The following PNLIPRP1 variants were observed in gnomAD, a reference collection of about 807,000 sequenced individuals.
PNLIPRP1 encodes inactive pancreatic lipase-related protein 1.
Under a neutral mutation model 54.6 loss-of-function variants are expected in PNLIPRP1, and 57 were observed. The observed-to-expected ratio is 1.04, with a 90% CI of 0.84 to 1.30. The LOEUF (loss-of-function observed/expected upper bound fraction) is 1.30. Among genes scored for constraint, PNLIPRP1 ranks in the 50% most tolerant of loss-of-function variants. The pLI, the probability that PNLIPRP1 is intolerant of heterozygous loss-of-function variation, is 0.00. For missense variants in PNLIPRP1, 567 were observed against 568.5 expected (o/e 1.00, Z 0.03); for synonymous variants, 232 against 208.8 (o/e 1.11, Z -0.96).
At chr10:116,602,752 AGT>A (rs1267832635) in intron 10 of PNLIPRP1, among the ~76,000 whole-genome samples, 5 of 132,994 alleles carry the variant, frequency 3.8e-5, no homozygotes, top group Admixed American at 7.3e-5. Context: ...TGCATGTGTG[AGT>A]GTGTTTGTGT....
In PNLIPRP1 at chr10:116,593,167, C is replaced by CA. The variant is rs57951858; in HGVS notation, c.330+642dup. The CA allele has an allele frequency of 4.2e-3, 329 of 78,832 alleles. 2 individuals are homozygous for CA. Among genetic ancestry groups the CA allele is most frequent in the Middle Eastern group, 0.027 (3 of 112 alleles). 4.9% of individuals were successfully genotyped at this position (78,832 alleles called of 1,614,324 possible). ...TGGGCAACAGAGTGAGACTCCATCTCAAAAAAAAAAAAAAAAGAAAACTAA... is the reference window on the plus strand; with the variant it reads ...TGGGCAACAGAGTGAGACTCCATCTCAAAAAAAAAAAAAAAAAGAAAACTAA... On this transcript the variant is annotated intron_variant, in intron 4 of 12. Coordinates refer to ENST00000358834, the MANE Select transcript of PNLIPRP1 (RefSeq NM_006229.4).
chr10:116,591,679 T>C, intron 2 of PNLIPRP1, 92 bp from the exon 3 acceptor site: 1 of 1,331,578 alleles, frequency 7.5e-7, no homozygotes, highest in Non-Finnish European at 1.1e-6. Context: ...AGACTGTCCC[T>C]GAATAGAAGA....
intron 11 of PNLIPRP1, 137 bp from the exon 12 acceptor site, chr10:116,605,249 A>G (rs1434577208): frequency 1.9e-6 from 1 of 532,592 alleles, no homozygotes; most frequent in Non-Finnish European, 3.3e-6. Context: ...TGGCTTTTCC[A>G]TTTCTCCATC....
intron 12 of PNLIPRP1, among the ~76,000 whole-genome samples, chr10:116,605,889 G>A (rs1245054519): frequency 6.6e-6 from 1 of 152,204 alleles, no homozygotes; most frequent in Non-Finnish European, 1.5e-5. Context: ...ACTTGAAAGA[G>A]GAGAAGACCA....
In PNLIPRP1 at chr10:116,594,884, T is replaced by C; in HGVS notation, c.465+20T>C. ...CTCTTGGTGAGTCAGCTGGCTGGCCTATGTGAGGAGGGAAGCAGTGCCTGC... is the reference window on the plus strand; with the variant it reads ...CTCTTGGTGAGTCAGCTGGCTGGCCCATGTGAGGAGGGAAGCAGTGCCTGC... On this transcript the variant is annotated intron_variant, in intron 5 of 12. Transcript: ENST00000358834. 6.2e-7 allele frequency: 1 copy of C among 1,613,148 alleles called. No individual in the cohort carries two copies.
In PNLIPRP1 at chr10:116,596,261, C is replaced by G; in HGVS notation, c.513C>G (p.Ser171Arg). 6.2e-7 allele frequency: 1 copy of G among 1,614,018 alleles called. No individual in the cohort carries two copies. The highest frequency in any genetic ancestry group is 8.5e-7 in the Non-Finnish European group (1 of 1,179,878). The change falls in exon 6 of 13, where the codon AGC becomes AGG. Residue 171 changes from serine to arginine, a missense_variant. Transcript: ENST00000358834. ...CCAAAGTTCACCTCATTGGCCACAGCCTGGGAGCCCACGTGGCTGGAGAGG... is the reference window on the plus strand; with the variant it reads ...CCAAAGTTCACCTCATTGGCCACAGGCTGGGAGCCCACGTGGCTGGAGAGG... ...PPSKVHLIGH[S>R]LGAHVAGEAG...
Position 116,605,418 on chromosome 10 carries a change from A to C in PNLIPRP1, c.1205A>C (p.Tyr402Ser). The C allele has an allele frequency of 6.2e-7, 1 of 1,610,136 alleles. No homozygotes were observed. The highest frequency in any genetic ancestry group is 8.5e-7 in the Non-Finnish European group (1 of 1,176,942). Residue 402 changes from tyrosine (Y) to serine (S), a missense_variant, in exon 12 of 13, where the codon TAT (tyrosine) becomes TCT (serine). Tyr to Ser is a moderately radical substitution (Grantham distance 144). Transcript: ENST00000358834. Reference protein sequence around the residue: ...GILKPGSTHSYEFDAKLDVGT... With the variant: ...GILKPGSTHSSEFDAKLDVGT... ...CTCAAACCAGGCTCAACCCATTCCT[A>C]TGAGTTTGATGCAAAGCTGGATGTT...
chr10:116,591,055 C>A, intron 1 of PNLIPRP1, 60 bp downstream of exon 1: 2 of 1,174,154 alleles, frequency 1.7e-6, no homozygotes, highest in Non-Finnish European at 2.5e-6. Flanking sequence ...GTAAACAGTA[C>A]TGAAGTCCAG....
At chr10:116,600,399 A>G (rs2133236067) in intron 9 of PNLIPRP1, 1 of 437,082 alleles carries the variant, frequency 2.3e-6, no homozygotes, top group Non-Finnish European at 4.1e-6. Context: ...AGAGAGAAAG[A>G]GCAGTCAATT....
intron 9 of PNLIPRP1, 26 bp from the exon 10 acceptor site, chr10:116,601,046 C>G: frequency 6.3e-7 from 1 of 1,591,470 alleles, no homozygotes; most frequent in Non-Finnish European, 8.5e-7. Flanking sequence ...ATTCTCCTTA[C>G]AGTCCCATCT....
intron 5 of PNLIPRP1, chr10:116,595,129 C>T (rs1847712756): frequency 6.9e-6 from 3 of 435,488 alleles, no homozygotes; most frequent in Admixed American, 7.0e-5. Flanking sequence ...AACTAGTTTG[C>T]TCCCAAAGTC....
chr10:116,603,108 C>T (rs1312897627), intron 10 of PNLIPRP1, among the ~76,000 whole-genome samples: 4 of 152,152 alleles, frequency 2.6e-5, no homozygotes, highest in East Asian at 1.9e-4. Context: ...TATTTGTGTG[C>T]GTGTGCATGC....
intron 10 of PNLIPRP1, among the ~76,000 whole-genome samples, chr10:116,602,941 ATGTG>A (rs1291556434): frequency 2.0e-5 from 3 of 151,668 alleles, no homozygotes; most frequent in African/African-American, 7.3e-5. Flanking sequence ...GTGTAGATGT[ATGTG>A]TGTGTGCACA....
chr10:116,595,247 GAGAGAGCCAC>G (rs1847715021), intron 5 of PNLIPRP1: 2 of 239,690 alleles, frequency 8.3e-6, no homozygotes, highest in Admixed American at 9.8e-5. Flanking sequence ...AGCATGGCCA[GAGAGAGCCAC>G]AGAGAGCCAA....
At chr10:116,594,691 C>T (rs1354079171) in intron 4 of PNLIPRP1, 39 bp from the exon 5 acceptor site, 9 of 1,612,694 alleles carry the variant, frequency 5.6e-6, no homozygotes, top group African/African-American at 5.3e-5. Flanking sequence ...TTCCCCTGCT[C>T]CCATTATCTC....
In PNLIPRP1 at chr10:116,594,858, C is replaced by T; in HGVS notation, c.459C>T (p.Ile153=). 4 of 1,613,952 alleles carry T rather than the reference C, an allele frequency of 2.5e-6. No homozygotes were observed. The South Asian group carries it at 4.4e-5, about 18-fold the overall frequency. ...CCCAGGTGGCCCAGATGCTCGACAT[C>T]CTCTTGGTGAGTCAGCTGGCTGGCC... The part of the protein sequence containing the change: ...VGAQVAQMLD[I]LLTEYSYPPS... Residue 153 remains isoleucine, a synonymous_variant, in exon 5 of 13, where the codon ATC becomes ATT. Transcript: ENST00000358834.
intron 12 of PNLIPRP1, among the ~76,000 whole-genome samples, chr10:116,606,124 C>T (rs1236319391): frequency 4.6e-5 from 7 of 152,130 alleles, no homozygotes; most frequent in African/African-American, 1.2e-4. Context: ...GTCTCTCAAA[C>T]CTCAGACCCC....
At chr10:116,603,868 G>C (rs1847890996) in intron 10 of PNLIPRP1, among the ~76,000 whole-genome samples, 162 bp from the exon 11 acceptor site, 1 of 152,134 alleles carries the variant, frequency 6.6e-6, no homozygotes, top group African/African-American at 2.4e-5. Flanking sequence ...ACTCCAGCCT[G>C]GGTGACAGAG....
intron 5 of PNLIPRP1, 54 bp downstream of exon 5, chr10:116,594,918 G>T (rs782193253): frequency 1.9e-6 from 3 of 1,593,326 alleles, no homozygotes; most frequent in South Asian, 1.1e-5. Context: ...GCTGGTCTCT[G>T]TTTGGTAGAG....
Sources: allele counts gnomAD v4.1 joint callset (sites outside exome capture counted in the v4.1 genomes callset), GRCh38; gene constraint gnomAD v4.1.1; transcripts MANE v1.5; gene names NCBI Gene and HGNC (gene_info 2026-07-23, HGNC 2026-07-21).